The following TULP4 variants were observed in gnomAD, a reference collection of about 807,000 sequenced individuals.
TULP4 encodes the protein tubby-related protein 4.
A neutral mutation model predicts 129.0 loss-of-function variants in TULP4; 16 were observed. The ratio of observed to expected loss-of-function variants is 0.12; its 90% CI spans 0.08 to 0.19. The LOEUF (loss-of-function observed/expected upper bound fraction) is 0.19. Ranked by LOEUF, TULP4 falls within the 10% of genes least tolerant of loss-of-function variation. TULP4 has a pLI of 1.00. For missense variants in TULP4, 1,842 were observed against 2,059.1 expected (o/e 0.89, Z 2.04); for synonymous variants, 998 against 854.0 (o/e 1.17, Z -2.94).
intron 6 of TULP4, among the ~76,000 whole-genome samples, chr6:158,476,894 G>A (rs189589290): frequency 1.0e-3 from 152 of 152,298 alleles, no homozygotes; most frequent in African/African-American, 3.5e-3. Context: ...ATAAGGACCA[G>A]CAGTGGAGCT....
intron 1 of TULP4, among the ~76,000 whole-genome samples, chr6:158,322,880 G>T (rs1467287955): frequency 6.6e-6 from 1 of 152,158 alleles, no homozygotes; most frequent in Admixed American, 6.5e-5. Context: ...GCTTTCAATT[G>T]TTCAAAGAAT....
At chr6:158,440,129 C>G (rs1236859141) in intron 3 of TULP4, among the ~76,000 whole-genome samples, 1 of 151,446 alleles carries the variant, frequency 6.6e-6, no homozygotes, top group African/African-American at 2.4e-5. Flanking sequence ...AGTTCAAGAC[C>G]AGCAACATGA....
At chr6:158,283,995 G>C (rs1204963483) in intron 1 of TULP4, among the ~76,000 whole-genome samples, 1 of 152,178 alleles carries the variant, frequency 6.6e-6, no homozygotes, top group Non-Finnish European at 1.5e-5. Flanking sequence ...AAATGAGGCT[G>C]ACCATATATT....
At chr6:158,431,165 A>G (rs1778618659) in intron 3 of TULP4, among the ~76,000 whole-genome samples, 1 of 152,026 alleles carries the variant, frequency 6.6e-6, no homozygotes, top group African/African-American at 2.4e-5. Context: ...CTGCATTTTT[A>G]TGGGTTTTTA....
At chr6:158,328,230 A>G (rs1481739610) in intron 1 of TULP4, among the ~76,000 whole-genome samples, 3 of 151,656 alleles carry the variant, frequency 2.0e-5, no homozygotes, top group South Asian at 4.2e-4. Context: ...TGTACCAGAC[A>G]CCATCCTAAG....
chr6:158,259,400 G>A (rs1010110948), intron 1 of TULP4, among the ~76,000 whole-genome samples: 2 of 152,098 alleles, frequency 1.3e-5, no homozygotes, highest in African/African-American at 4.8e-5. Context: ...TCCTCTTATG[G>A]TTGTTTGGTT....
At chr6:158,294,788 G>C (rs1219771542) in intron 1 of TULP4, among the ~76,000 whole-genome samples, 1 of 151,964 alleles carries the variant, frequency 6.6e-6, no homozygotes, top group African/African-American at 2.4e-5. Flanking sequence ...CTGGAGCACA[G>C]TGGCGTGATC....
chr6:158,484,876 GGTTTT>G lies in TULP4; in HGVS notation c.1486+3593_1486+3597del, dbSNP rs1780030968. ...CTTGCATACACACACGCATAATACT[GGTTTT>G]GTTTTTCTGGAGAACCCTGACTAAT... is the stretch of plus-strand genomic sequence containing the variant. On this transcript the variant is annotated intron_variant, in intron 8 of 13. Transcript: ENST00000367097. 2.6e-5 allele frequency among the ~76,000 whole-genome samples: 4 copies of G among 152,350 alleles called. No homozygotes were observed. In the South Asian group the frequency reaches 6.2e-4, roughly 24 times the overall value.
chr6:158,311,184 C>A (rs4534009), upstream of TULP4, among the ~76,000 whole-genome samples: 131,871 of 152,202 alleles, frequency 0.87, 57,499 homozygotes, highest in Admixed American at 0.92. Context: ...TGGTTCCCTG[C>A]CCAGCAGCAT....
At chr6:158,381,588 T>C (rs942179686) in intron 1 of TULP4, among the ~76,000 whole-genome samples, 1 of 152,218 alleles carries the variant, frequency 6.6e-6, no homozygotes, top group African/African-American at 2.4e-5. Flanking sequence ...AGGGCTCTGC[T>C]TTTATTTTCT....
At chr6:158,411,678 A>C (rs537617309) in intron 1 of TULP4, among the ~76,000 whole-genome samples, 129 of 152,324 alleles carry the variant, frequency 8.5e-4, no homozygotes, top group Middle Eastern at 6.8e-3. Context: ...AAGGCTGCTC[A>C]AGGCACACTA....
chr6:158,468,195 T>C (rs1223891618), intron 6 of TULP4, among the ~76,000 whole-genome samples: 6 of 152,238 alleles, frequency 3.9e-5, no homozygotes, highest in African/African-American at 1.4e-4. Flanking sequence ...CATTGTGGAC[T>C]TCCCCAGTAA....
intron 1 of TULP4, among the ~76,000 whole-genome samples, chr6:158,295,861 A>T (rs1357741729): frequency 1.4e-4 from 21 of 152,202 alleles, no homozygotes. Flanking sequence ...ACTGCACTCC[A>T]GCCTGGGCAA....
intron 2 of TULP4, among the ~76,000 whole-genome samples, chr6:158,419,591 A>G (rs1299399989): frequency 6.6e-6 from 1 of 152,224 alleles, no homozygotes; most frequent in Non-Finnish European, 1.5e-5. Context: ...GTTTAGAGCC[A>G]CACCTCAAAC....
At chr6:158,489,489 C>A in intron 8 of TULP4, 99 bp from the exon 9 acceptor site, 1 of 1,431,486 alleles carries the variant, frequency 7.0e-7, no homozygotes, top group Non-Finnish European at 9.6e-7. Context: ...AAAATGATGG[C>A]CTGTGGAGTC....
intron 8 of TULP4, among the ~76,000 whole-genome samples, chr6:158,487,584 A>G (rs765692692): frequency 2.6e-5 from 4 of 152,238 alleles, no homozygotes; most frequent in Admixed American, 2.0e-4. Flanking sequence ...TTTTTCTACG[A>G]CTTAGATGTT....
chr6:158,285,089 A>G (rs1341007835), intron 1 of TULP4, among the ~76,000 whole-genome samples: 1 of 152,054 alleles, frequency 6.6e-6, no homozygotes, highest in Admixed American at 6.5e-5. Flanking sequence ...AGAGCTTCAC[A>G]CCCTCACTCT....
At chr6:158,380,929 G>GA (rs1174697527) in intron 1 of TULP4, among the ~76,000 whole-genome samples, 3 of 145,162 alleles carry the variant, frequency 2.1e-5, no homozygotes, top group Non-Finnish European at 4.5e-5. Context: ...GAAGAAGAAA[G>GA]AGGTTTCAAA....
intron 1 of TULP4, among the ~76,000 whole-genome samples, chr6:158,248,222 A>G (rs909221367): frequency 1.3e-5 from 2 of 151,798 alleles, no homozygotes; most frequent in Non-Finnish European, 2.9e-5. Flanking sequence ...TGGGTGGATC[A>G]TTTGAATGCA....
Sources: allele counts gnomAD v4.1 joint callset (sites outside exome capture counted in the v4.1 genomes callset), GRCh38; gene constraint gnomAD v4.1.1; transcripts MANE v1.5; gene names NCBI Gene and HGNC (gene_info 2026-07-23, HGNC 2026-07-21).